The following PKHD1 variants were observed in gnomAD, a reference collection of about 807,000 sequenced individuals.
PKHD1 encodes the protein PKHD1 ciliary IPT domain containing fibrocystin/polyductin.
PKHD1 carries 291 observed loss-of-function variants against 412.0 expected under a neutral mutation model. That is an observed-to-expected ratio of 0.71 (90% confidence interval 0.64 to 0.78). The LOEUF is 0.78. Among genes scored for constraint, PKHD1 ranks in the 30% least tolerant of loss-of-function variants. The pLI is 0.00. For missense variants in PKHD1, 4,825 were observed against 4,950.7 expected (o/e 0.97, Z 0.76); for synonymous variants, 1,777 against 1,821.5 (o/e 0.98, Z 0.62).
intron 36 of PKHD1, among the ~76,000 whole-genome samples, chr6:51,949,563 G>C (rs1400177678): frequency 1.3e-5 from 2 of 152,192 alleles, no homozygotes; most frequent in African/African-American, 4.8e-5. Context: ...ATCCGGATTA[G>C]ACTTGTGCCT....
At chr6:52,057,194 T>C (rs919188963) in intron 16 of PKHD1, among the ~76,000 whole-genome samples, 1 of 152,230 alleles carries the variant, frequency 6.6e-6, no homozygotes, top group African/African-American at 2.4e-5. Context: ...TCTTCCTATT[T>C]ATCTGTGCCC....
chr6:51,673,868 G>A (rs185520373), intron 60 of PKHD1, among the ~76,000 whole-genome samples: 1 of 152,174 alleles, frequency 6.6e-6, no homozygotes, highest in Non-Finnish European at 1.5e-5. Flanking sequence ...TGAAAAGAAG[G>A]TTCTTTGAAT....
chr6:52,004,534 A>G (rs1244732460), intron 35 of PKHD1, among the ~76,000 whole-genome samples: 1 of 152,102 alleles, frequency 6.6e-6, no homozygotes, highest in Non-Finnish European at 1.5e-5. Context: ...TCTTGATTGT[A>G]TGCTGGACAT....
chr6:52,004,274 A>G (rs2128104586), intron 35 of PKHD1, among the ~76,000 whole-genome samples: 1 of 152,216 alleles, frequency 6.6e-6, no homozygotes, highest in African/African-American at 2.4e-5. Flanking sequence ...GCCCAATCTA[A>G]TATTATCTAG....
At chr6:51,918,588 C>CT (rs549908198) in intron 37 of PKHD1, among the ~76,000 whole-genome samples, 48 of 152,276 alleles carry the variant, frequency 3.2e-4, no homozygotes, top group Non-Finnish European at 6.5e-4. Flanking sequence ...TTTATCCAGT[C>CT]TATCATTGAT....
At position 51,959,997 on chromosome 6, in the gene PKHD1, T is replaced by A. The variant is rs1278736824; in HGVS notation, c.5781A>T (p.Arg1927Ser). 12 of 1,613,358 alleles carry A rather than the reference T, an allele frequency of 7.4e-6. No individual in the cohort carries two copies. Among genetic ancestry groups the A allele is most frequent in the Non-Finnish European group, 1.0e-5 (12 of 1,179,598 alleles). Residue 1927 changes from arginine to serine, a missense_variant, in exon 36 of 67, where the codon AGA becomes AGT. Transcript: ENST00000371117. Reference protein sequence around the residue: ...QGNFSLQFCRRWSRTHSWFPE... With the variant: ...QGNFSLQFCRSWSRTHSWFPE... ...GAAACCAGCTGTGAGTCCTGGACCA[T>A]CTCCGGCAGAACTGTAAAGAAAAGT...
At chr6:51,820,091 T>TTG (rs1766126391) in intron 52 of PKHD1, among the ~76,000 whole-genome samples, 1 of 152,202 alleles carries the variant, frequency 6.6e-6, no homozygotes, top group African/African-American at 2.4e-5. Flanking sequence ...GAAGCTGAGA[T>TTG]TGGCTCTTGG....
chr6:51,804,963 A>AC (rs72542714), intron 52 of PKHD1, among the ~76,000 whole-genome samples: 1 of 151,558 alleles, frequency 6.6e-6, no homozygotes, highest in Non-Finnish European at 1.5e-5. Context: ...CTGTGGAAAA[A>AC]AGTTTGGTGA....
intron 36 of PKHD1, among the ~76,000 whole-genome samples, chr6:51,939,165 CT>C (rs1462688377): frequency 1.5e-4 from 23 of 151,262 alleles, no homozygotes; most frequent in African/African-American, 5.6e-4. Context: ...AAGGACCCCC[CT>C]GACCCCTTCT....
At chr6:51,752,075 C>T (rs1033879075) in intron 57 of PKHD1, among the ~76,000 whole-genome samples, 3 of 152,130 alleles carry the variant, frequency 2.0e-5, no homozygotes, top group African/African-American at 4.8e-5. Flanking sequence ...CCAGCTTGCC[C>T]TGTGGCTTCA....
intron 34 of PKHD1, among the ~76,000 whole-genome samples, chr6:52,014,700 AGATGGATGGATGGATGGATG>A (rs55925667): frequency 0.031 from 2,502 of 80,632 alleles, 43 homozygotes; most frequent in South Asian, 0.061. Context: ...TATACTGGAT[AGATGGATGGATGGATGGATG>A]GATGGATGGA....
chr6:51,822,572 A>G (rs780342282), intron 52 of PKHD1, among the ~76,000 whole-genome samples: 3 of 152,128 alleles, frequency 2.0e-5, no homozygotes, highest in Non-Finnish European at 4.4e-5. Flanking sequence ...CCCCCATTCA[A>G]TACTCAAGGC....
At chr6:52,062,902 A>G (rs1808899840) in intron 13 of PKHD1, among the ~76,000 whole-genome samples, 1 of 152,156 alleles carries the variant, frequency 6.6e-6, no homozygotes, top group South Asian at 2.1e-4. Flanking sequence ...AGTTCCTAGA[A>G]AAGAGAATCA....
At chr6:51,771,294 T>A (rs1203832897) in intron 55 of PKHD1, among the ~76,000 whole-genome samples, 1 of 152,098 alleles carries the variant, frequency 6.6e-6, no homozygotes, top group Non-Finnish European at 1.5e-5. Flanking sequence ...ACTTTTCAAG[T>A]GTTATGTCAT....
Position 51,721,388 on chromosome 6 carries a change from CAAT to C in PKHD1, c.10156+22994_10156+22996del, listed in dbSNP as rs1253964901. 1.9e-4 allele frequency: 84 copies of C among 444,704 alleles called. No homozygotes were observed. In the Middle Eastern group the frequency reaches 4.5e-3, roughly 24 times the overall value. The allele number at this position is 444,704 out of a possible 1,614,324, so 27.5% of individuals were successfully genotyped here. A position where few individuals can be genotyped will look rare whatever the true frequency, so the allele number is the denominator to read the frequency against. On this transcript the variant is annotated intron_variant, in intron 60 of 66. Transcript: ENST00000371117. ...CTATATTATTATATTATTAATATAC[CAAT>C]AATAATATATTAATATGCCAATAAT...
At chr6:51,903,496 C>T (rs1781583775) in intron 43 of PKHD1, 101 bp downstream of exon 43, 2 of 945,988 alleles carry the variant, frequency 2.1e-6, no homozygotes, top group Admixed American at 1.7e-5. Flanking sequence ...AATTATTCTT[C>T]CAATGTGGCC....
At chr6:51,966,463 C>T (rs1341931273) in intron 35 of PKHD1, among the ~76,000 whole-genome samples, 1 of 152,118 alleles carries the variant, frequency 6.6e-6, no homozygotes, top group East Asian at 1.9e-4. Flanking sequence ...CAGTTCCCAG[C>T]TTGACTTTTC....
intron 35 of PKHD1, among the ~76,000 whole-genome samples, chr6:52,001,565 G>A (rs1445733856): frequency 6.6e-6 from 1 of 151,762 alleles, no homozygotes; most frequent in Non-Finnish European, 1.5e-5. Flanking sequence ...GGGTAGCTGG[G>A]ACTACAGGCG....
At chr6:51,844,952 T>C (rs1174038266) in intron 50 of PKHD1, among the ~76,000 whole-genome samples, 2 of 152,238 alleles carry the variant, frequency 1.3e-5, no homozygotes, top group African/African-American at 2.4e-5. Context: ...ACATAGACTA[T>C]GTGGTCTTGA....
Sources: gnomAD v4.1 joint callset for allele counts (sites outside exome capture counted in the v4.1 genomes callset) on GRCh38, gnomAD v4.1.1 for gene constraint, MANE v1.5 for transcripts, NCBI Gene and HGNC (gene_info 2026-07-23, HGNC 2026-07-21) for gene names.